INPP4B: variants seen among roughly 807,000 people sequenced by gnomAD.
INPP4B encodes inositol polyphosphate-4-phosphatase type II B, also known as inositol polyphosphate 4-phosphatase type II.
Under a neutral mutation model 122.5 loss-of-function variants are expected in INPP4B, and 55 were observed. The observed-to-expected ratio is 0.45, with a 90% CI of 0.36 to 0.56. The LOEUF (loss-of-function observed/expected upper bound fraction) is 0.56, where lower values mean the gene tolerates loss of function less well. Ranked by LOEUF, INPP4B falls within the 20% of genes least tolerant of loss-of-function variation. INPP4B has a pLI of 0.00. For synonymous variants in INPP4B, 403 were observed against 388.7 expected (o/e 1.04, Z -0.43); for missense variants, 1,000 against 1,097.7 (o/e 0.91, Z 1.26).
At chr4:142,295,524 C>G (rs527644476) in intron 9 of INPP4B, among the ~76,000 whole-genome samples, 2 of 152,132 alleles carry the variant, frequency 1.3e-5, no homozygotes, top group African/African-American at 4.8e-5. Context: ...TTTTGTTGTT[C>G]TTCTAAATCA....
At chr4:142,403,301 T>A (rs973275795) in intron 6 of INPP4B, among the ~76,000 whole-genome samples, 1 of 152,230 alleles carries the variant, frequency 6.6e-6, no homozygotes, top group Admixed American at 6.5e-5. Flanking sequence ...CTTGAAAAAG[T>A]TTATTTTTAT....
chr4:142,683,151 C>A (rs190560859), intron 2 of INPP4B, among the ~76,000 whole-genome samples: 171 of 151,940 alleles, frequency 1.1e-3, no homozygotes, highest in African/African-American at 3.9e-3. Context: ...TACAAGCAAC[C>A]CACTGTAATT....
chr4:142,217,781 TG>T (rs1356808860), intron 12 of INPP4B, among the ~76,000 whole-genome samples: 1 of 152,166 alleles, frequency 6.6e-6, no homozygotes, highest in Non-Finnish European at 1.5e-5. Flanking sequence ...CTCTCTAATT[TG>T]GGTCGGCCTA....
chr4:142,062,344 T>C (rs1761408234), intron 25 of INPP4B, among the ~76,000 whole-genome samples: 1 of 152,018 alleles, frequency 6.6e-6, no homozygotes, highest in African/African-American at 2.4e-5. Context: ...AGAGCTTTCA[T>C]ATTAGATTCA....
intron 2 of INPP4B, among the ~76,000 whole-genome samples, chr4:142,499,216 G>C (rs984036875): frequency 6.6e-6 from 1 of 152,100 alleles, no homozygotes; most frequent in African/African-American, 2.4e-5. Flanking sequence ...AGCTGAAACT[G>C]AGTTTTAATG....
In INPP4B at chr4:142,244,503, CTG is replaced by C. The variant is rs940240802; in HGVS notation, c.689-6494_689-6493del. Among the ~76,000 whole-genome samples, 59 of 151,950 alleles carry C rather than the reference CTG, an allele frequency of 3.9e-4. No homozygotes were observed. The Middle Eastern group carries it at 0.017, about 44-fold the overall frequency. On this transcript the variant is annotated intron_variant, in intron 11 of 25. Coordinates refer to ENST00000262992, the MANE Select transcript of INPP4B (RefSeq NM_001101669.3). ...TATTTTTAGTAGAGGCAGGGTTTCA[CTG>C]TGTTAGCCAGGATGGTCTTGAACTC...
At chr4:142,053,510 G>T (rs1270074693) in intron 25 of INPP4B, among the ~76,000 whole-genome samples, 3 of 152,054 alleles carry the variant, frequency 2.0e-5, no homozygotes, top group Non-Finnish European at 4.4e-5. Context: ...GGGAAAAATT[G>T]TCATCCTGAC....
At chr4:142,489,922 A>C (rs1274453807) in intron 2 of INPP4B, among the ~76,000 whole-genome samples, 1 of 152,192 alleles carries the variant, frequency 6.6e-6, no homozygotes, top group East Asian at 1.9e-4. Flanking sequence ...CTGATAGTAA[A>C]ATAGCTAAAT....
chr4:142,252,991 A>T (rs1733181349), intron 11 of INPP4B, among the ~76,000 whole-genome samples: 1 of 152,244 alleles, frequency 6.6e-6, no homozygotes, highest in African/African-American at 2.4e-5. Context: ...CCTACGCTCC[A>T]GGGTATCGCC....
At chr4:142,139,636 T>C (rs2152822532) in intron 18 of INPP4B, among the ~76,000 whole-genome samples, 1 of 152,220 alleles carries the variant, frequency 6.6e-6, no homozygotes, top group Non-Finnish European at 1.5e-5. Flanking sequence ...GTGTATTAGA[T>C]AGATAGCTAA....
rs114734589 is a variant in INPP4B at position 142,411,612 on chromosome 4, C to T, written c.137-6288G>A. Among the ~76,000 whole-genome samples, 138 of 152,190 alleles carry T rather than the reference C, an allele frequency of 9.1e-4. 1 individual carries two copies. The highest frequency in any genetic ancestry group is 3.1e-3 in the African/African-American group (129 of 41,532). ...AAAGTGGCCTTAATACAAACAGGGG[C>T]CAGGCACAGTGGCTAATGCCTGTAA... On this transcript the variant is annotated intron_variant, in intron 5 of 25. Transcript: ENST00000262992.
chr4:142,068,270 C>A (rs1764810803), intron 25 of INPP4B, among the ~76,000 whole-genome samples: 1 of 152,134 alleles, frequency 6.6e-6, no homozygotes, highest in Non-Finnish European at 1.5e-5. Flanking sequence ...ACTTTACAGA[C>A]AAAACAATGC....
At chr4:142,465,088 A>G (rs1817507323) in intron 2 of INPP4B, among the ~76,000 whole-genome samples, 1 of 152,200 alleles carries the variant, frequency 6.6e-6, no homozygotes, top group Non-Finnish European at 1.5e-5. Flanking sequence ...TAATTTTTTT[A>G]AATACCCGTA....
At chr4:142,102,005 G>T (rs1329886233) in intron 23 of INPP4B, among the ~76,000 whole-genome samples, 2 of 151,940 alleles carry the variant, frequency 1.3e-5, no homozygotes, top group Non-Finnish European at 2.9e-5. Flanking sequence ...TTAGAGTAAA[G>T]CTCCTCCTTC....
At chr4:142,622,327 TA>T (rs112195146) in intron 2 of INPP4B, among the ~76,000 whole-genome samples, 3,943 of 144,188 alleles carry the variant, frequency 0.027, 57 homozygotes, top group Middle Eastern at 0.096. Context: ...AAGCTTCCAT[TA>T]AAAAAAAAAA....
intron 2 of INPP4B, among the ~76,000 whole-genome samples, chr4:142,701,449 C>T (rs1341261366): frequency 6.8e-6 from 1 of 146,982 alleles, no homozygotes; most frequent in Non-Finnish European, 1.5e-5. Context: ...ATCAGGCTGG[C>T]ATGATCATCA....
intron 7 of INPP4B, chr4:142,347,466 T>C (rs1780646392): frequency 2.3e-6 from 1 of 428,704 alleles, no homozygotes; most frequent in South Asian, 1.7e-5. Context: ...ACACATAAAA[T>C]GAAGGTTGGA....
At chr4:142,304,047 G>T (rs1028433382) in intron 9 of INPP4B, among the ~76,000 whole-genome samples, 1 of 151,966 alleles carries the variant, frequency 6.6e-6, no homozygotes, top group African/African-American at 2.4e-5. Flanking sequence ...TGAATACTGG[G>T]GCTTGTGAGT....
chr4:142,283,056 C>A (rs1408075172), intron 9 of INPP4B, among the ~76,000 whole-genome samples: 4 of 151,838 alleles, frequency 2.6e-5, no homozygotes, highest in Non-Finnish European at 5.9e-5. Context: ...CTGTAGGGGG[C>A]AGAGAGGATC....
Sources: allele counts gnomAD v4.1 joint callset (sites outside exome capture counted in the v4.1 genomes callset), GRCh38; gene constraint gnomAD v4.1.1; transcripts MANE v1.5; gene names NCBI Gene and HGNC (gene_info 2026-07-23, HGNC 2026-07-21).